The following CACNG7 variants were observed in gnomAD, a reference collection of about 807,000 sequenced individuals.
The protein encoded by CACNG7 is voltage-dependent calcium channel gamma-7 subunit.
In CACNG7, 9 loss-of-function variants were observed where a neutral mutation model predicts 26.3. That is an observed-to-expected ratio of 0.34 (90% CI 0.21 to 0.60). CACNG7 has a LOEUF of 0.60. CACNG7 is among the 20% of genes least tolerant of loss of function. The pLI is 0.81. For synonymous variants in CACNG7, 170 were observed against 157.0 expected (o/e 1.08, Z -0.62); for missense variants, 297 against 380.4 (o/e 0.78, Z 1.82).
chr19:53,909,511 G>T lies in CACNG7; in HGVS notation c.-36G>T. On this transcript the variant is annotated 5_prime_UTR_variant, in exon 1 of 6. An upstream open reading frame in the 5' UTR loses its in-frame stop. Coordinates refer to ENST00000391767, the MANE Select transcript of CACNG7 (RefSeq NM_031896.5). The surrounding 1 kb of genome is among the most constrained non-coding windows in gnomAD (Gnocchi z 5.1). Reference sequence around the variant, plus strand: ...CGGCCCGGAGCGTCCGCCCAGCCCTGAGCGAGGTGAGCGCTAGCGGAGGGT... The same window carrying T: ...CGGCCCGGAGCGTCCGCCCAGCCCTTAGCGAGGTGAGCGCTAGCGGAGGGT... 6.6e-6 allele frequency: 1 copy of T among 152,442 alleles called. No individual in the cohort carries two copies. Among genetic ancestry groups the T allele is most frequent in the South Asian group, 1.9e-4 (1 of 5,306 alleles). The allele number at this position is 152,442 out of a possible 1,614,324, so 9.4% of individuals were successfully genotyped here.
In CACNG7 at chr19:53,931,557, G is replaced by A. The variant is rs1389114097; in HGVS notation, c.425-9913G>A. Among the ~76,000 whole-genome samples, 5 of 151,422 alleles carry A rather than the reference G, an allele frequency of 3.3e-5. No individual in the cohort carries two copies. In the East Asian group the frequency reaches 8.0e-4, roughly 24 times the overall value. ...AAAAAAGTTAGCCAGGTGTGGTGGT[G>A]CATGCCTGTAGTCCCAGCTACTCAG... is the stretch of plus-strand genomic sequence containing the variant. On this transcript the variant is annotated intron_variant, in intron 4 of 5. Transcript: ENST00000391767.
At chr19:53,923,412 T>TTTCCCCA (rs2068983449) in intron 4 of CACNG7, among the ~76,000 whole-genome samples, 1 of 140,956 alleles carries the variant, frequency 7.1e-6, no homozygotes, top group Admixed American at 7.0e-5. Flanking sequence ...TTGGTGGAGT[T>TTTCCCCA]GTCCCCAGGT....
chr19:53,914,667 G>C, intron 3 of CACNG7, 81 bp downstream of exon 3: 1 of 1,255,272 alleles, frequency 8.0e-7, no homozygotes, highest in Non-Finnish European at 1.2e-6. Context: ...GGCAGGACTA[G>C]GGAAAGGGTG....
rs369839062 is a variant in CACNG7 at position 53,914,545 on chromosome 19, C to T, written c.242C>T (p.Pro81Leu). Residue 81 changes from proline to leucine, a missense_variant, in exon 3 of 6, where the codon CCG (proline) becomes CTG (leucine). By Grantham distance (98) the Pro-to-Leu change is moderately conservative. Coordinates refer to ENST00000391767, the MANE Select transcript of CACNG7 (RefSeq NM_031896.5). ...RCVASEYFLE[P>L]EINLVTENTE... Reference sequence around the variant, plus strand: ...GTGGCCTCAGAATATTTTCTTGAACCGGAGATCAATTTGGTGACGGAAAAC... The same window carrying T: ...GTGGCCTCAGAATATTTTCTTGAACTGGAGATCAATTTGGTGACGGAAAAC... 10 of 1,613,950 alleles carry T rather than the reference C, an allele frequency of 6.2e-6. No individual in the cohort carries two copies. Among genetic ancestry groups the T allele is most frequent in the Admixed American group, 3.3e-5 (2 of 59,982 alleles).
At chr19:53,934,454 T>C (rs947178664) in intron 4 of CACNG7, among the ~76,000 whole-genome samples, 1 of 152,066 alleles carries the variant, frequency 6.6e-6, no homozygotes, top group Non-Finnish European at 1.5e-5. Context: ...GAGCTCCCCA[T>C]GGAAAAGGTA....
chr19:53,911,485 G>A (rs1161197493), intron 1 of CACNG7, among the ~76,000 whole-genome samples: 2 of 152,314 alleles, frequency 1.3e-5, no homozygotes, highest in East Asian at 3.9e-4. Context: ...AGGTCCAGGA[G>A]CCTGCCTAGA....
At position 53,942,030 on chromosome 19, in the gene CACNG7, C is replaced by A; in HGVS notation, c.571-6C>A. ...CCCCTGGGACTCTGACCTTGCCTTG[C>A]CGCAGGGGGCCGGCGTGATGTCCGT... On this transcript the variant is annotated splice_region_variant and splice_polypyrimidine_tract_variant and intron_variant, in intron 5 of 5. Coordinates refer to ENST00000391767, the MANE Select transcript of CACNG7 (RefSeq NM_031896.5). The surrounding 1 kb of genome is among the most constrained non-coding windows in gnomAD (Gnocchi z 5.9). The A allele has an allele frequency of 6.3e-7, 1 of 1,579,948 alleles. No homozygotes were observed. Among genetic ancestry groups the A allele is most frequent in the South Asian group, 1.2e-5 (1 of 86,862 alleles).
intron 2 of CACNG7, among the ~76,000 whole-genome samples, chr19:53,913,850 G>C (rs1243374290): frequency 6.8e-6 from 1 of 146,358 alleles, no homozygotes; most frequent in Admixed American, 6.8e-5. Context: ...CCAATTCATT[G>C]TAAGAATCCT....
intron 4 of CACNG7, among the ~76,000 whole-genome samples, chr19:53,921,768 T>TCTGGTCATTGGTGGAGTTGTC (rs2068957010): frequency 3.4e-5 from 2 of 58,398 alleles, no homozygotes; most frequent in Non-Finnish European, 6.0e-5. Flanking sequence ...GGTGGAGTTG[T>TCTGGTCATTGGTGGAGTTGTC]CCCAGGTCTG....
chr19:53,942,496 C>T lies in CACNG7; in HGVS notation c.*203C>T. The stretch of plus-strand genomic sequence containing the variant: ...TGGCCGCGCCCTCTTTTCCCGACCT[C>T]TCCTTTTCATTGGTCCCTCTCACTC... On this transcript the variant is annotated 3_prime_UTR_variant, in exon 6 of 6. Transcript: ENST00000391767. This position sits in a 1 kb window ranked among gnomAD's most constrained non-coding sequence, Gnocchi z 5.9. 7.0e-7 allele frequency: 1 copy of T among 1,424,816 alleles called. No individual in the cohort carries two copies. The highest frequency in any genetic ancestry group is 9.1e-7 in the Non-Finnish European group (1 of 1,093,728). 88.3% of individuals were successfully genotyped at this position (1,424,816 alleles called of 1,614,324 possible).
chr19:53,913,616 A>G (rs2068874393), intron 2 of CACNG7, among the ~76,000 whole-genome samples: 1 of 151,800 alleles, frequency 6.6e-6, no homozygotes, highest in African/African-American at 2.4e-5. Context: ...AGACAGAGTG[A>G]GACTCCATCT....
intron 4 of CACNG7, among the ~76,000 whole-genome samples, chr19:53,931,737 T>C (rs2145915829): frequency 7.0e-6 from 1 of 143,410 alleles, no homozygotes; most frequent in Non-Finnish European, 1.5e-5. Flanking sequence ...ATTCCACTAC[T>C]ATTTGTTTTT....
rs2145922724 is a variant in CACNG7, at chr19:53,943,344, C to A, written c.*1051C>A. 6.6e-6 allele frequency: 1 copy of A among 152,126 alleles called. No individual in the cohort carries two copies. The highest frequency in any genetic ancestry group is 2.4e-5 in the African/African-American group (1 of 41,490). 9.4% of individuals were successfully genotyped at this position (152,126 alleles called of 1,614,324 possible). A position where few individuals can be genotyped will look rare whatever the true frequency, so the allele number is the denominator to read the frequency against. ...TCCCCCCTCAGAACCCCAACTCTGG[C>A]CTCTTTCAAGGGCCCGTCCGCCCCG... On this transcript the variant is annotated 3_prime_UTR_variant, in exon 6 of 6. Transcript: ENST00000391767.
intron 4 of CACNG7, 23 bp from the exon 5 acceptor site, chr19:53,941,447 G>C: frequency 4.6e-6 from 7 of 1,510,366 alleles, no homozygotes; most frequent in Non-Finnish European, 6.2e-6. Context: ...TAATGGACGA[G>C]GGCACCCCCT....
chr19:53,937,108 T>G (rs2069109717), intron 4 of CACNG7, among the ~76,000 whole-genome samples: 1 of 152,160 alleles, frequency 6.6e-6, no homozygotes, highest in Non-Finnish European at 1.5e-5. Flanking sequence ...CAGGCTGGTC[T>G]TGAGCTGCTG....
At chr19:53,941,732 G>A in intron 5 of CACNG7, 117 bp downstream of exon 5, 1 of 1,311,962 alleles carries the variant, frequency 7.6e-7, no homozygotes, top group Non-Finnish European at 1.1e-6. Flanking sequence ...GTCAGAGGGA[G>A]GTGGTAGCTG....
At chr19:53,923,238 TC>T (rs1249248712) in intron 4 of CACNG7, among the ~76,000 whole-genome samples, 1 of 58,294 alleles carries the variant, frequency 1.7e-5, no homozygotes, top group Non-Finnish European at 3.0e-5. Flanking sequence ...CCAGGTCTGG[TC>T]ATTGGTGGAG....
intron 4 of CACNG7, among the ~76,000 whole-genome samples, chr19:53,937,048 C>T (rs1304496295): frequency 6.6e-6 from 1 of 152,082 alleles, no homozygotes; most frequent in Non-Finnish European, 1.5e-5. Flanking sequence ...GCTAAGACAA[C>T]AGGAACTAAT....
chr19:53,925,332 C>G (rs1222570698), intron 4 of CACNG7, among the ~76,000 whole-genome samples: 8 of 117,452 alleles, frequency 6.8e-5, no homozygotes, highest in Admixed American at 3.7e-4. Context: ...CAGGCCTGGT[C>G]ATTGGTGGAG....
Sources: gnomAD v4.1 joint callset for allele counts (sites outside exome capture counted in the v4.1 genomes callset) on GRCh38, gnomAD v4.1.1 for gene constraint, Gnocchi (gnomAD v3.1) non-coding constraint, MANE v1.5 for transcripts, NCBI Gene and HGNC (gene_info 2026-07-23, HGNC 2026-07-21) for gene names.